Variants in RTN1 observed in about 807,000 individuals in gnomAD.
RTN1 encodes reticulon 1, also known as reticulon-1.
In RTN1, 25 loss-of-function variants were observed where a neutral mutation model predicts 65.5. The ratio of observed to expected loss-of-function variants is 0.38; its 90% CI spans 0.28 to 0.53. RTN1 has a LOEUF of 0.53. Ranked by LOEUF, RTN1 falls within the 20% of genes least tolerant of loss-of-function variation. The pLI, the probability that RTN1 is intolerant of heterozygous loss-of-function variation, is 0.79. For synonymous variants in RTN1, 471 were observed against 447.6 expected, an observed-to-expected ratio of 1.05 and a Z score of -0.66; for missense variants, 983 against 1,025.4, an observed-to-expected ratio of 0.96 and a Z score of 0.57.
intron 3 of RTN1, among the ~76,000 whole-genome samples, chr14:59,632,785 G>A (rs1051867356): frequency 6.6e-6 from 1 of 152,042 alleles, no homozygotes; most frequent in Non-Finnish European, 1.5e-5. Context: ...TGGGCCAGGC[G>A]TTTTCATTGA....
chr14:59,755,016 T>C (rs1885607389), intron 1 of RTN1, among the ~76,000 whole-genome samples: 1 of 152,042 alleles, frequency 6.6e-6, no homozygotes, highest in Non-Finnish European at 1.5e-5. Context: ...AGAAAAGGAA[T>C]GAGAGGGTTA....
intron 3 of RTN1, among the ~76,000 whole-genome samples, chr14:59,616,840 C>T (rs921573696): frequency 6.6e-6 from 1 of 152,176 alleles, no homozygotes; most frequent in African/African-American, 2.4e-5. Flanking sequence ...TTTTAGGGCT[C>T]TCATGGAAAG....
At chr14:59,670,281 G>C (rs1001681752) in intron 3 of RTN1, among the ~76,000 whole-genome samples, 9 of 152,106 alleles carry the variant, frequency 5.9e-5, no homozygotes, top group African/African-American at 1.9e-4. Context: ...TTATAGCCCA[G>C]CAGTAAATTT....
intron 1 of RTN1, among the ~76,000 whole-genome samples, chr14:59,833,000 T>C (rs375931932): frequency 1.2e-4 from 19 of 152,242 alleles, no homozygotes; most frequent in African/African-American, 4.1e-4. Context: ...GCCTTATTTA[T>C]TTATGAATTC....
At chr14:59,605,333 C>T in intron 5 of RTN1, 35 bp downstream of exon 5, 1 of 1,597,056 alleles carries the variant, frequency 6.3e-7, no homozygotes, top group Non-Finnish European at 8.5e-7. Flanking sequence ...AAATAACAGT[C>T]AAGACTGTGA....
rs902552495 is a variant in RTN1 at position 59,836,583 on chromosome 14, A to T, written c.241+33807T>A. ...AGGAGGGAGGACATCCCAGATTTTTAAAATCATATGAACAAAATAGTGGCA... is the reference window on the plus strand; with the variant it reads ...AGGAGGGAGGACATCCCAGATTTTTTAAATCATATGAACAAAATAGTGGCA... On this transcript the variant is annotated intron_variant, in intron 1 of 8. Transcript: ENST00000267484. This position sits in a 1 kb window ranked among gnomAD's most constrained non-coding sequence, Gnocchi z 4.9. 5.3e-5 allele frequency among the ~76,000 whole-genome samples: 8 copies of T among 152,230 alleles called. No individual in the cohort carries two copies. The East Asian group carries it at 1.5e-3, about 29-fold the overall frequency.
chr14:59,672,672 C>A (rs1477184005), intron 3 of RTN1, among the ~76,000 whole-genome samples: 1 of 111,348 alleles, frequency 9.0e-6, no homozygotes, highest in African/African-American at 3.4e-5. Flanking sequence ...CTCGCTCTGT[C>A]GCCCAGGCCG....
rs1325482659 is a variant in RTN1 at position 59,825,443 on chromosome 14, A to G, written c.241+44947T>C. On this transcript the variant is annotated intron_variant, in intron 1 of 8. Coordinates refer to ENST00000267484, the MANE Select transcript of RTN1 (RefSeq NM_021136.3). The surrounding 1 kb of genome is among the most constrained non-coding windows in gnomAD (Gnocchi z 4.2). ...ATGCTCTGATTCAGGGAAAGTTGCT[A>G]TAAAATAGTTTTAAAAATAGTTACA... Among the ~76,000 whole-genome samples, 4 of 152,232 alleles carry G rather than the reference A, an allele frequency of 2.6e-5. No individual in the cohort carries two copies. The highest frequency in any genetic ancestry group is 5.9e-5 in the Non-Finnish European group (4 of 68,036).
At position 59,611,347 on chromosome 14, in the gene RTN1, C is replaced by T. The variant is rs143228375; in HGVS notation, c.1766-3855G>A. The stretch of plus-strand genomic sequence containing the variant: ...CTGACTCTGGTATTCTTTCTACTGG[C>T]GTGGCACTGCTGACCCAATGTGCAT... On this transcript the variant is annotated intron_variant, in intron 3 of 8. Transcript: ENST00000267484. Among the ~76,000 whole-genome samples the T allele has an allele frequency of 2.1e-3, 313 of 152,280 alleles. 1 individual carries two copies. The highest frequency in any genetic ancestry group is 7.0e-3 in the African/African-American group (292 of 41,566).
intron 1 of RTN1, among the ~76,000 whole-genome samples, chr14:59,771,159 G>T (rs1885950885): frequency 1.3e-5 from 2 of 152,230 alleles, no homozygotes; most frequent in South Asian, 4.1e-4. Context: ...CTGTAGCCAT[G>T]ATGGACTTGT....
rs142674530 is a variant in RTN1 at position 59,738,958 on chromosome 14, A to G, written c.1015+6750T>C. Among the ~76,000 whole-genome samples, 85 of 152,184 alleles carry G rather than the reference A, an allele frequency of 5.6e-4. No homozygotes were observed. The East Asian group carries it at 0.011, about 19-fold the overall frequency. ...AGTGGGAACTGAATGATAAGAACAC[A>G]TGGACATATTGAGGGGGAGCAACAC... On this transcript the variant is annotated intron_variant, in intron 2 of 8. Transcript: ENST00000267484.
intron 3 of RTN1, among the ~76,000 whole-genome samples, chr14:59,666,300 A>T (rs1248261187): frequency 6.6e-6 from 1 of 152,132 alleles, no homozygotes; most frequent in East Asian, 1.9e-4. Flanking sequence ...TCAAAACCAC[A>T]CAACTACATG....
intron 3 of RTN1, among the ~76,000 whole-genome samples, chr14:59,710,594 T>C (rs1221004718): frequency 6.6e-6 from 1 of 152,192 alleles, no homozygotes; most frequent in Non-Finnish European, 1.5e-5. Context: ...AAGCAGCCCA[T>C]GCTGGGGAAC....
chr14:59,642,001 A>G (rs1882791473), intron 3 of RTN1, among the ~76,000 whole-genome samples: 1 of 152,122 alleles, frequency 6.6e-6, no homozygotes, highest in African/African-American at 2.4e-5. Flanking sequence ...TTTCAGTCCA[A>G]AGAATTTTCT....
chr14:59,740,809 G>A (rs1885100818), intron 2 of RTN1, among the ~76,000 whole-genome samples: 1 of 152,100 alleles, frequency 6.6e-6, no homozygotes, highest in African/African-American at 2.4e-5. Context: ...CCATATCTTT[G>A]CTTAAAATTT....
intron 1 of RTN1, among the ~76,000 whole-genome samples, chr14:59,749,346 A>C (rs1175919500): frequency 2.9e-5 from 2 of 69,394 alleles, no homozygotes; most frequent in Non-Finnish European, 4.4e-5. Flanking sequence ...ATCTATATAT[A>C]TCTATATATA....
rs1887870988 is a variant in RTN1 at position 59,870,224 on chromosome 14, T to A, written c.241+166A>T. On this transcript the variant is annotated intron_variant, in intron 1 of 8. Coordinates refer to ENST00000267484, the MANE Select transcript of RTN1 (RefSeq NM_021136.3). The surrounding 1 kb of genome is among the most constrained non-coding windows in gnomAD (Gnocchi z 5.1). Reference sequence around the variant, plus strand: ...TTTGGGAAAAATAAAATTGTTGTTTTCTACCAGCCCGCGAATATTCCCAGT... The same window carrying A: ...TTTGGGAAAAATAAAATTGTTGTTTACTACCAGCCCGCGAATATTCCCAGT... 6.6e-6 allele frequency among the ~76,000 whole-genome samples: 1 copy of A among 152,256 alleles called. No homozygotes were observed.
intron 3 of RTN1, among the ~76,000 whole-genome samples, chr14:59,676,790 G>A (rs1019247772): frequency 1.3e-5 from 2 of 152,142 alleles, no homozygotes; most frequent in African/African-American, 4.8e-5. Flanking sequence ...GGTTTCTAAG[G>A]TCATTCTTAA....
At chr14:59,752,358 T>C (rs1343313687) in intron 1 of RTN1, among the ~76,000 whole-genome samples, 3 of 152,136 alleles carry the variant, frequency 2.0e-5, no homozygotes, top group Admixed American at 6.6e-5. Context: ...TGAGGGATTC[T>C]CTCTGGGGCC....
Sources: allele counts gnomAD v4.1 joint callset (sites outside exome capture counted in the v4.1 genomes callset), GRCh38; gene constraint gnomAD v4.1.1; non-coding constraint Gnocchi (gnomAD v3.1); transcripts MANE v1.5; gene names NCBI Gene and HGNC (gene_info 2026-07-23, HGNC 2026-07-21).